Variants in HEATR4 observed in about 807,000 individuals in gnomAD.
HEATR4 encodes HEAT repeat-containing protein 4.
A neutral mutation model predicts 108.8 loss-of-function variants in HEATR4; 95 were observed. That is an observed-to-expected ratio of 0.87 (90% CI 0.74 to 1.04). The LOEUF is 1.04. Among genes scored for constraint, HEATR4 ranks in the 50% least tolerant of loss-of-function variants. The pLI, the probability that HEATR4 is intolerant of heterozygous loss-of-function variation, is 0.00. For missense variants in HEATR4, 1,152 were observed against 1,253.8 expected, an observed-to-expected ratio of 0.92 and a Z score of 1.23; for synonymous variants, 443 against 459.4, an observed-to-expected ratio of 0.96 and a Z score of 0.46.
At chr14:73,504,378 G>A (rs941179061) in intron 10 of HEATR4, among the ~76,000 whole-genome samples, 1 of 152,090 alleles carries the variant, frequency 6.6e-6, no homozygotes, top group Non-Finnish European at 1.5e-5. Context: ...GAGGAGCTGG[G>A]ACTACAGGTG....
At chr14:73,521,118 T>A in intron 3 of HEATR4, 79 bp from the exon 4 acceptor site, 2 of 1,240,608 alleles carry the variant, frequency 1.6e-6, no homozygotes, top group Non-Finnish European at 2.3e-6. Context: ...CCACAGCTCG[T>A]TCCCTTTCCT....
rs1211628092 is a variant in HEATR4 at position 73,492,316 on chromosome 14, GGCCATACT to G, written c.2844+742_2844+749del. ...GCAATACCTGGGGTGACTTCTTAGA[GGCCATACT>G]GCCTCTGGCAGTGCAGGCTGCAATG... On this transcript the variant is annotated intron_variant, in intron 17 of 17. Transcript: ENST00000553558. The surrounding 1 kb of genome is among the most constrained non-coding windows in gnomAD (Gnocchi z 4.9). 1 of 1,614,044 alleles carries G rather than the reference GGCCATACT, an allele frequency of 6.2e-7. No individual in the cohort carries two copies. The highest frequency in any genetic ancestry group is 1.1e-5 in the South Asian group (1 of 91,088).
intron 8 of HEATR4, 62 bp downstream of exon 8, chr14:73,509,250 A>AT: frequency 6.6e-7 from 1 of 1,504,012 alleles, no homozygotes; most frequent in African/African-American, 1.4e-5. Context: ...AAGGACTGGG[A>AT]AAGCTGATAG....
upstream of HEATR4, among the ~76,000 whole-genome samples, chr14:73,559,754 A>T (rs11624828): frequency 0.17 from 25,409 of 151,728 alleles, 2,491 homozygotes; most frequent in East Asian, 0.32. Flanking sequence ...AAAGATAAAA[A>T]TAAAAAAACC....
the HEATR4 span, among the ~76,000 whole-genome samples, chr14:73,587,375 CAG>C: frequency 2.0e-5 from 3 of 150,736 alleles, no homozygotes; most frequent in African/African-American, 4.9e-5. Flanking sequence ...TTTTTTGAGA[CAG>C]AGTCTTGCTC....
the HEATR4 span, chr14:73,596,257 C>T: frequency 6.6e-6 from 1 of 152,208 alleles, no homozygotes; most frequent in Non-Finnish European, 1.5e-5. Context: ...CCTGTAATCC[C>T]AGTACTTTGG....
the HEATR4 span, among the ~76,000 whole-genome samples, chr14:73,577,892 C>A: frequency 6.6e-6 from 1 of 151,760 alleles, no homozygotes; most frequent in Non-Finnish European, 1.5e-5. Flanking sequence ...ACTCTGTTGC[C>A]CAGGCTGGAG....
chr14:73,573,303 T>C, the HEATR4 span: 4 of 1,588,570 alleles, frequency 2.5e-6, no homozygotes, highest in South Asian at 2.2e-5. Context: ...CTGGGTCACA[T>C]GTGTGGTAAG....
chr14:73,521,118 T>C, intron 3 of HEATR4, 79 bp from the exon 4 acceptor site: 2 of 1,240,608 alleles, frequency 1.6e-6, no homozygotes, highest in Non-Finnish European at 2.3e-6. Context: ...CCACAGCTCG[T>C]TCCCTTTCCT....
At chr14:73,505,801 T>G (rs573262168) in intron 10 of HEATR4, among the ~76,000 whole-genome samples, 31 of 151,906 alleles carry the variant, frequency 2.0e-4, no homozygotes, top group Non-Finnish European at 3.4e-4. Flanking sequence ...TGATCTTTGA[T>G]GAAGAACCAA....
the HEATR4 span, among the ~76,000 whole-genome samples, chr14:73,585,315 T>G: frequency 1.3e-5 from 2 of 152,100 alleles, no homozygotes; most frequent in Non-Finnish European, 2.9e-5. Context: ...GACACAAGCC[T>G]CCTGCTCAGG....
the HEATR4 span, among the ~76,000 whole-genome samples, chr14:73,598,215 T>TAAAAAAA: frequency 1.1e-4 from 1 of 9,406 alleles, no homozygotes; most frequent in African/African-American, 7.6e-4. Context: ...CTACTAAAAA[T>TAAAAAAA]ACAAAAAAAA....
intron 11 of HEATR4, among the ~76,000 whole-genome samples, chr14:73,502,096 G>C (rs1300337114): frequency 7.2e-6 from 1 of 139,672 alleles, no homozygotes; most frequent in East Asian, 2.1e-4. Flanking sequence ...GTCTTGCTAT[G>C]TTGCCCAGGC....
chr14:73,573,880 C>A, the HEATR4 span, among the ~76,000 whole-genome samples: 1 of 152,050 alleles, frequency 6.6e-6, no homozygotes, highest in Admixed American at 6.6e-5. Flanking sequence ...GCACCTGCCA[C>A]CATGCTTGGC....
At chr14:73,617,296 G>A in the HEATR4 span, 1 of 1,472,178 alleles carries the variant, frequency 6.8e-7, no homozygotes, top group South Asian at 1.1e-5. Flanking sequence ...AACATGCCAG[G>A]AGATACCAAG....
chr14:73,511,514 G>A (rs773770125), intron 7 of HEATR4, among the ~76,000 whole-genome samples: 16 of 145,272 alleles, frequency 1.1e-4, no homozygotes, highest in Non-Finnish European at 2.4e-4. Flanking sequence ...GCAAGACTCT[G>A]TCTCAAAAAT....
At position 73,535,016 on chromosome 14, in the gene HEATR4, G is replaced by A. The variant is rs1391297347; in HGVS notation, c.-151-4772C>T. Among the ~76,000 whole-genome samples the A allele has an allele frequency of 3.5e-5, 4 of 113,342 alleles. 2 individuals carry two copies. The highest frequency in any genetic ancestry group is 7.6e-5 in the Non-Finnish European group (4 of 52,458). 74.4% of individuals were successfully genotyped at this position (113,342 alleles called of 152,430 possible). On this transcript the variant is annotated intron_variant, in intron 1 of 17. Transcript: ENST00000553558. ...TCTTGGTAAAAAGTATATTTATACT[G>A]TTCTCTAACCTGCTTTTTTTCATCA...
chr14:73,584,121 C>G, the HEATR4 span, among the ~76,000 whole-genome samples: 3 of 151,774 alleles, frequency 2.0e-5, no homozygotes, highest in African/African-American at 7.3e-5. Context: ...ATGCTCACTT[C>G]CGAAAGGTAA....
chr14:73,522,584 G>A lies in HEATR4; in HGVS notation c.569C>T (p.Ala190Val). 6.2e-7 allele frequency: 1 copy of A among 1,614,176 alleles called. No homozygotes were observed. Among genetic ancestry groups the A allele is most frequent in the Non-Finnish European group, 8.5e-7 (1 of 1,180,024 alleles). ...SLDVNLEERE[A>V]WLLPPEKEAR... ...CTCCTTCTCAGGAGGCAGAAGCCAG[G>A]CTTCTCTTTCCTCCAGGTTCACATC... Residue 190 changes from alanine to valine, a missense_variant, in exon 3 of 18, where the codon GCC (alanine) becomes GTC (valine). By Grantham distance (64) the Ala-to-Val change is moderately conservative (BLOSUM62 0). Transcript: ENST00000553558.
Sources: gnomAD v4.1 joint callset for allele counts (sites outside exome capture counted in the v4.1 genomes callset) on GRCh38, gnomAD v4.1.1 for gene constraint, Gnocchi (gnomAD v3.1) non-coding constraint, MANE v1.5 for transcripts, NCBI Gene and HGNC (gene_info 2026-07-23, HGNC 2026-07-21) for gene names.